AGPAT5: variants seen among roughly 807,000 people sequenced by gnomAD.
AGPAT5 encodes 1-acyl-sn-glycerol-3-phosphate acyltransferase epsilon.
In AGPAT5, 46 loss-of-function variants were observed where a neutral mutation model predicts 45.6. The ratio of observed to expected loss-of-function variants is 1.01; its 90% CI spans 0.80 to 1.29. AGPAT5 has a LOEUF of 1.29. Ranked by LOEUF, AGPAT5 falls within the 50% of genes most tolerant of loss-of-function variation. The pLI, the probability that AGPAT5 is intolerant of heterozygous loss-of-function variation, is 0.00. For synonymous variants in AGPAT5, 272 were observed against 167.0 expected (o/e 1.63, Z -4.85); for missense variants, 673 against 450.7 (o/e 1.49, Z -4.47).
At chr8:6,737,750 C>A (rs559678604) in intron 4 of AGPAT5, among the ~76,000 whole-genome samples, 1 of 152,302 alleles carries the variant, frequency 6.6e-6, no homozygotes, top group Non-Finnish European at 1.5e-5. Flanking sequence ...AATCCCAGAT[C>A]TTCTGTTTAA....
At chr8:6,746,196 CTT>C (rs1196116817) in intron 5 of AGPAT5, 1 of 152,394 alleles carries the variant, frequency 6.6e-6, no homozygotes, top group Non-Finnish European at 1.5e-5. Flanking sequence ...TCCGTGTTCT[CTT>C]TGTTTCCCTG....
intron 1 of AGPAT5, among the ~76,000 whole-genome samples, chr8:6,720,316 AATAG>A (rs1339805236): frequency 3.9e-5 from 6 of 152,200 alleles, no homozygotes; most frequent in African/African-American, 7.2e-5. Flanking sequence ...CCTTTGCAAA[AATAG>A]ATAGAGATAG....
At chr8:6,714,057 G>A (rs1800242275) in intron 1 of AGPAT5, among the ~76,000 whole-genome samples, 2 of 152,180 alleles carry the variant, frequency 1.3e-5, no homozygotes, top group Non-Finnish European at 2.9e-5. Flanking sequence ...GAGCTTATAA[G>A]TCATCTAGTC....
chr8:6,717,258 G>C (rs753608695), intron 1 of AGPAT5, among the ~76,000 whole-genome samples: 1 of 152,160 alleles, frequency 6.6e-6, no homozygotes, highest in African/African-American at 2.4e-5. Context: ...CCCCAAATAA[G>C]AAAGTGTTAC....
chr8:6,741,761 A>G lies in AGPAT5; in HGVS notation c.586+10A>G, dbSNP rs1490967488. ...TTTGCTGCCCAACGTGGTAAGTAAA[A>G]ATTTGAGTGTTTGAACAAATAATTT... On this transcript the variant is annotated intron_variant, in intron 5 of 7. Coordinates refer to ENST00000285518, the MANE Select transcript of AGPAT5 (RefSeq NM_018361.5). The G allele has an allele frequency of 6.3e-7, 1 of 1,591,512 alleles. No homozygotes were observed. Among genetic ancestry groups the G allele is most frequent in the Non-Finnish European group, 8.6e-7 (1 of 1,164,606 alleles).
intron 2 of AGPAT5, 68 bp from the exon 3 acceptor site, chr8:6,730,643 T>C (rs1800830471): frequency 1.1e-6 from 1 of 908,222 alleles, no homozygotes; most frequent in Non-Finnish European, 1.7e-6. Flanking sequence ...ATAGTACTTT[T>C]GAAGCCCATT....
chr8:6,738,069 A>G (rs536068486), intron 4 of AGPAT5, among the ~76,000 whole-genome samples: 2 of 152,292 alleles, frequency 1.3e-5, no homozygotes, highest in Non-Finnish European at 2.9e-5. Context: ...CTTTCTAATC[A>G]TTCATGTGTT....
intron 4 of AGPAT5, among the ~76,000 whole-genome samples, chr8:6,732,975 C>A (rs552036987): frequency 7.9e-5 from 12 of 152,148 alleles, no homozygotes; most frequent in Non-Finnish European, 1.8e-4. Context: ...GCTCATCTTA[C>A]TTCTTGTCTT....
Position 6,741,528 on chromosome 8 carries a change from A to G in AGPAT5, c.496-133A>G, listed in dbSNP as rs1801244965. 22 of 569,548 alleles carry G rather than the reference A, an allele frequency of 3.9e-5. No homozygotes were observed. In the South Asian group the frequency reaches 4.6e-4, roughly 12 times the overall value. 35.3% of individuals were successfully genotyped at this position (569,548 alleles called of 1,614,324 possible). A position where few individuals can be genotyped will look rare whatever the true frequency, so the allele number is the denominator to read the frequency against. On this transcript the variant is annotated intron_variant, in intron 4 of 7. Coordinates refer to ENST00000285518, the MANE Select transcript of AGPAT5 (RefSeq NM_018361.5). ...TTGCCCCTCTTGAAACGAAGGTCAC[A>G]TGTAAATAAATATACATTTTCTCCT...
In AGPAT5 at chr8:6,732,770, G is replaced by A. The variant is rs186524928; in HGVS notation, c.495+120G>A. On this transcript the variant is annotated intron_variant, in intron 4 of 7. Coordinates refer to ENST00000285518, the MANE Select transcript of AGPAT5 (RefSeq NM_018361.5). ...TTCCCATGTGTAATTACTAATTCAG[G>A]GTTATGCTGAGGTAACAGAAACCCT... 4.2e-4 allele frequency: 386 copies of A among 918,838 alleles called. 1 individual carries two copies. The African/African-American group carries it at 6.3e-3, about 15-fold the overall frequency. 56.9% of individuals were successfully genotyped at this position (918,838 alleles called of 1,614,324 possible).
At position 6,761,384 on chromosome 8, in the gene AGPAT5, A is replaced by G. The variant is rs1319115739; in HGVS notation, c.*3996A>G. 2.0e-5 allele frequency among the ~76,000 whole-genome samples: 3 copies of G among 152,214 alleles called. No individual in the cohort carries two copies. In the East Asian group the frequency reaches 5.8e-4, roughly 29 times the overall value. On this transcript the variant is annotated 3_prime_UTR_variant, in exon 8 of 8. Coordinates refer to ENST00000285518, the MANE Select transcript of AGPAT5 (RefSeq NM_018361.5). ...AAATTCTGTGTCTCCAGCAGGCAAG[A>G]ATACTTGACTAACTCTTTTTGTCTC...
At chr8:6,727,364 T>G (rs2911976) in intron 2 of AGPAT5, among the ~76,000 whole-genome samples, 115,268 of 151,962 alleles carry the variant, frequency 0.76, 44,924 homozygotes, top group African/African-American at 0.93. Context: ...ATCCTTCAAC[T>G]ATCTACTTTT....
chr8:6,751,367 G>T (rs1563306870), intron 6 of AGPAT5, among the ~76,000 whole-genome samples: 1 of 152,202 alleles, frequency 6.6e-6, no homozygotes, highest in African/African-American at 2.4e-5. Context: ...CATTCTGGGG[G>T]ATCACTGTTT....
At chr8:6,740,236 A>T (rs1801201837) in intron 4 of AGPAT5, among the ~76,000 whole-genome samples, 1 of 152,062 alleles carries the variant, frequency 6.6e-6, no homozygotes, top group African/African-American at 2.4e-5. Flanking sequence ...TTGAAAGCTG[A>T]TAGCCCACAG....
intron 1 of AGPAT5, among the ~76,000 whole-genome samples, chr8:6,720,029 A>G (rs1290180382): frequency 1.3e-5 from 2 of 152,172 alleles, no homozygotes; most frequent in Non-Finnish European, 2.9e-5. Context: ...CCTGCTTTTT[A>G]AAGCCAACTG....
chr8:6,759,058 A>G lies in AGPAT5; in HGVS notation c.*1670A>G, dbSNP rs959414536. The G allele has an allele frequency of 5.3e-5, 8 of 152,240 alleles. No homozygotes were observed. The highest frequency in any genetic ancestry group is 1.9e-4 in the East Asian group (1 of 5,200). 9.4% of individuals were successfully genotyped at this position (152,240 alleles called of 1,614,324 possible). On this transcript the variant is annotated 3_prime_UTR_variant, in exon 8 of 8. Transcript: ENST00000285518. ...TTTGTGTACATTAGAATGTATGCAC[A>G]CATCCATGGACACTCAGGATATAGT...
chr8:6,717,268 C>T lies in AGPAT5; in HGVS notation c.220-7602C>T, dbSNP rs552181882. Among the ~76,000 whole-genome samples, 5 of 152,256 alleles carry T rather than the reference C, an allele frequency of 3.3e-5. No individual in the cohort carries two copies. The East Asian group carries it at 7.7e-4, about 23-fold the overall frequency. On this transcript the variant is annotated intron_variant, in intron 1 of 7. Transcript: ENST00000285518. ...CAAAACCCCAAATAAGAAAGTGTTA[C>T]TTGAAGATTTTAGAGTACTTATTTG...
chr8:6,741,587 T>C, intron 4 of AGPAT5, 74 bp from the exon 5 acceptor site: 1 of 1,028,672 alleles, frequency 9.7e-7, no homozygotes, highest in Non-Finnish European at 1.5e-6. Flanking sequence ...ATTAGTAGGT[T>C]TAGCTTTTTT....
At chr8:6,717,046 A>G (rs1459155102) in intron 1 of AGPAT5, among the ~76,000 whole-genome samples, 1 of 152,244 alleles carries the variant, frequency 6.6e-6, no homozygotes, top group Non-Finnish European at 1.5e-5. Context: ...AGGAGGAAGA[A>G]ACATGACTCC....
Sources: gnomAD v4.1 joint callset for allele counts (sites outside exome capture counted in the v4.1 genomes callset) on GRCh38, gnomAD v4.1.1 for gene constraint, MANE v1.5 for transcripts, NCBI Gene and HGNC (gene_info 2026-07-23, HGNC 2026-07-21) for gene names.